The following AMBN variants were observed in gnomAD, a reference collection of about 807,000 sequenced individuals.
AMBN encodes the protein enamel matrix protein.
In AMBN, 54 loss-of-function variants were observed where a neutral mutation model predicts 48.0. The observed-to-expected ratio is 1.12, with a 90% CI of 0.90 to 1.41. The LOEUF (loss-of-function observed/expected upper bound fraction) is 1.41, where lower values mean the gene tolerates loss of function less well. Ranked by LOEUF, AMBN falls within the 40% of genes most tolerant of loss-of-function variation. AMBN has a pLI of 0.00. For synonymous variants in AMBN, 186 were observed against 190.0 expected, an observed-to-expected ratio of 0.98 and a Z score of 0.17; for missense variants, 571 against 547.3, an observed-to-expected ratio of 1.04 and a Z score of -0.43.
chr4:70,598,420 T>C lies in AMBN; in HGVS notation c.183+17T>C. 1 of 1,576,832 alleles carries C rather than the reference T, an allele frequency of 6.3e-7. No homozygotes were observed. The highest frequency in any genetic ancestry group is 8.6e-7 in the Non-Finnish European group (1 of 1,159,246). On this transcript the variant is annotated intron_variant, in intron 4 of 12. Coordinates refer to ENST00000322937, the MANE Select transcript of AMBN (RefSeq NM_016519.6). Reference sequence around the variant, plus strand: ...CTTTCTCAGGTAATCATATTTCTTATTGCAAGTATTCATGGTGGTGGTAGT... The same window carrying C: ...CTTTCTCAGGTAATCATATTTCTTACTGCAAGTATTCATGGTGGTGGTAGT...
At position 70,606,170 on chromosome 4, in the gene AMBN, T is replaced by G; in HGVS notation, c.799-15T>G. On this transcript the variant is annotated splice_polypyrimidine_tract_variant and intron_variant, in intron 12 of 12. Transcript: ENST00000322937. Reference sequence around the variant, plus strand: ...ATGTGATGATGGCATCTTTGACGAATGTTTTTTTTTCCAGGGCGGGAGAGA... The same window carrying G: ...ATGTGATGATGGCATCTTTGACGAAGGTTTTTTTTTCCAGGGCGGGAGAGA... 6.2e-7 allele frequency: 1 copy of G among 1,611,794 alleles called. No individual in the cohort carries two copies. The highest frequency in any genetic ancestry group is 1.7e-4 in the Middle Eastern group (1 of 6,042).
intron 5 of AMBN, among the ~76,000 whole-genome samples, chr4:70,599,854 A>T (rs1400861821): frequency 6.6e-6 from 1 of 152,228 alleles, no homozygotes; most frequent in African/African-American, 2.4e-5. Context: ...TATTTAAAAT[A>T]GGAAGATACA....
rs760389841 is a variant in AMBN at position 70,606,168 on chromosome 4, A to T, written c.799-17A>T. 6.2e-7 allele frequency: 1 copy of T among 1,612,032 alleles called. No individual in the cohort carries two copies. Among genetic ancestry groups the T allele is most frequent in the Non-Finnish European group, 8.5e-7 (1 of 1,178,736 alleles). On this transcript the variant is annotated splice_polypyrimidine_tract_variant and intron_variant, in intron 12 of 12. Transcript: ENST00000322937. ...GCATGTGATGATGGCATCTTTGACG[A>T]ATGTTTTTTTTTCCAGGGCGGGAGA...
intron 2 of AMBN, 113 bp downstream of exon 2, chr4:70,593,508 A>G (rs1386164268): frequency 1.1e-6 from 1 of 908,490 alleles, no homozygotes; most frequent in African/African-American, 1.7e-5. Flanking sequence ...GATTTAATCC[A>G]GTGGTTTAGT....
At position 70,603,423 on chromosome 4, in the gene AMBN, C is replaced by T; in HGVS notation, c.716C>T (p.Pro239Leu). The change falls in exon 11 of 13, where the codon CCA (proline) becomes CTA (leucine). Residue 239 changes from proline (P) to leucine (L), a missense_variant. Coordinates refer to ENST00000322937, the MANE Select transcript of AMBN (RefSeq NM_016519.6). Reference sequence around the variant, plus strand: ...TGATTGTATTTTATTTAGCTTTATCCAGGAATGTTGTACGTGCCTTTTGGA... The same window carrying T: ...TGATTGTATTTTATTTAGCTTTATCTAGGAATGTTGTACGTGCCTTTTGGA... ...MPQNKQSPLY[P>L]GMLYVPFGAN... The T allele has an allele frequency of 6.2e-7, 1 of 1,613,202 alleles. No homozygotes were observed. Among genetic ancestry groups the T allele is most frequent in the South Asian group, 1.1e-5 (1 of 91,008 alleles).
intron 3 of AMBN, 36 bp downstream of exon 3, chr4:70,597,085 A>G: frequency 6.4e-7 from 1 of 1,564,418 alleles, no homozygotes; most frequent in Non-Finnish European, 8.8e-7. Flanking sequence ...TATTAACTTT[A>G]CATTGGTATA....
intron 5 of AMBN, among the ~76,000 whole-genome samples, chr4:70,600,575 G>T (rs753602612): frequency 6.6e-6 from 1 of 152,182 alleles, no homozygotes; most frequent in Non-Finnish European, 1.5e-5. Context: ...TCAGAGAGGG[G>T]TGATGGCTGG....
chr4:70,603,598 G>A (rs1043925190), intron 11 of AMBN, 138 bp downstream of exon 11: 3 of 905,974 alleles, frequency 3.3e-6, no homozygotes, highest in Admixed American at 2.7e-5. Context: ...AAATATTAAG[G>A]AGGCAAACTT....
rs919396887 is a variant in AMBN, at chr4:70,601,579, T to A, written c.456T>A (p.His152Gln). ...TTCAGCCTCCAATTCACCTGGGACA[T>A]CTGCCCTTGCAGGAAGGAGAACTGC... ...EALQPPIHLG[H>Q]LPLQEGELPL... The change falls in exon 6 of 13, where the codon CAT (histidine) becomes CAA (glutamine). Residue 152 changes from histidine (H) to glutamine (Q), a missense_variant. His to Gln is a conservative substitution (Grantham distance 24, BLOSUM62 0). Coordinates refer to ENST00000322937, the MANE Select transcript of AMBN (RefSeq NM_016519.6). The A allele has an allele frequency of 1.2e-6, 2 of 1,614,032 alleles. No homozygotes were observed. The highest frequency in any genetic ancestry group is 1.7e-6 in the Non-Finnish European group (2 of 1,180,004).
At chr4:70,598,753 T>G (rs1737447056) in intron 4 of AMBN, among the ~76,000 whole-genome samples, 2 of 152,128 alleles carry the variant, frequency 1.3e-5, no homozygotes, top group South Asian at 4.2e-4. Flanking sequence ...CCTACCCATT[T>G]GATTTACTTA....
At chr4:70,600,948 T>C (rs754166897) in intron 5 of AMBN, among the ~76,000 whole-genome samples, 23 of 152,108 alleles carry the variant, frequency 1.5e-4, no homozygotes, top group Non-Finnish European at 3.2e-4. Flanking sequence ...TTTCATTAAC[T>C]CGAAAAATAT....
At position 70,606,764 on chromosome 4, in the gene AMBN, C is replaced by T. The variant is rs756062120; in HGVS notation, c.*34C>T. 1.3e-6 allele frequency: 2 copies of T among 1,572,854 alleles called. No homozygotes were observed. On this transcript the variant is annotated 3_prime_UTR_variant, in exon 13 of 13. Transcript: ENST00000322937. ...AGATATTAGCTACTTTCTGTATGCA[C>T]AAGCTTCCCAGCTTTGTCCCCACAG... is the stretch of plus-strand genomic sequence containing the variant.
chr4:70,598,379 G>C lies in AMBN; in HGVS notation c.159G>C (p.Leu53=). Residue 53 remains leucine (L), a synonymous_variant, in exon 4 of 13, where the codon CTG becomes CTC. Transcript: ENST00000322937. ...AGACAATGAGACAGTTGGGAAGTCT[G>C]CAGAGATTAAACACACTTTCTCAGG... ...SLETMRQLGS[L]QRLNTLSQYS... is the part of the protein sequence containing the mutation. 6.3e-7 allele frequency: 1 copy of C among 1,587,500 alleles called. No homozygotes were observed. The highest frequency in any genetic ancestry group is 8.6e-7 in the Non-Finnish European group (1 of 1,166,618).
At position 70,606,667 on chromosome 4, in the gene AMBN, GCCAGGAAACAAAGC is replaced by G; in HGVS notation, c.1288_1301del (p.Asn430AlafsTer6). On this transcript the variant is annotated frameshift_variant, in exon 13 of 13. Coordinates refer to ENST00000322937, the MANE Select transcript of AMBN (RefSeq NM_016519.6). LOFTEE classifies it high-confidence loss of function. Reference sequence around the variant, plus strand: ...CCCCAAACTCTCTGCAAACATCCATGCCAGGAAACAAAGCCCAGGAGCCCGAGATGATGCATGAC... The same window carrying G: ...CCCCAAACTCTCTGCAAACATCCATGCCAGGAGCCCGAGATGATGCATGAC... 6.2e-7 allele frequency: 1 copy of G among 1,614,030 alleles called. No individual in the cohort carries two copies. Among genetic ancestry groups the G allele is most frequent in the Non-Finnish European group, 8.5e-7 (1 of 1,179,970 alleles).
intron 2 of AMBN, among the ~76,000 whole-genome samples, chr4:70,594,831 A>C (rs1054339985): frequency 6.6e-6 from 1 of 152,240 alleles, no homozygotes; most frequent in Non-Finnish European, 1.5e-5. Flanking sequence ...TCTGAGGAAC[A>C]GAACAATTGC....
chr4:70,599,776 TAAATC>T, intron 5 of AMBN, 130 bp downstream of exon 5: 1 of 567,970 alleles, frequency 1.8e-6, no homozygotes, highest in Non-Finnish European at 3.0e-6. Flanking sequence ...TCGTGCCAAA[TAAATC>T]GAAGCCTATA....
At chr4:70,605,258 T>C (rs767961230) in intron 12 of AMBN, among the ~76,000 whole-genome samples, 2 of 152,094 alleles carry the variant, frequency 1.3e-5, no homozygotes, top group Non-Finnish European at 2.9e-5. Flanking sequence ...ATAGCACCAA[T>C]ACAAGTGGCT....
At position 70,601,622 on chromosome 4, in the gene AMBN, G is replaced by A; in HGVS notation, c.499G>A (p.Val167Met). ...AGAACTGCCTCTGGTTCAGCAGCAG[G>A]TGGCACCATCAGATAAGCCACCAAA... ...EGELPLVQQQ[V>M]APSDKPPKPE... is the part of the protein sequence containing the mutation. The change falls in exon 6 of 13, where the codon GTG becomes ATG. Residue 167 changes from valine (V) to methionine (M), a missense_variant. Coordinates refer to ENST00000322937, the MANE Select transcript of AMBN (RefSeq NM_016519.6). 3 of 1,614,124 alleles carry A rather than the reference G, an allele frequency of 1.9e-6. No homozygotes were observed. The highest frequency in any genetic ancestry group is 1.3e-5 in the African/African-American group (1 of 75,050).
Position 70,602,634 on chromosome 4 carries a change from T to C in AMBN, c.542T>C (p.Val181Ala), listed in dbSNP as rs189846864. The C allele has an allele frequency of 1.7e-4, 271 of 1,575,876 alleles. 2 individuals are homozygous for C. In the Admixed American group the frequency reaches 4.6e-3, roughly 27 times the overall value. Residue 181 changes from valine (V) to alanine (A), a missense_variant, in exon 7 of 13, where the codon GTA becomes GCA. Physicochemically the swap from Val to Ala is moderately conservative, Grantham distance 64. Transcript: ENST00000322937. Reference sequence around the variant, plus strand: ...TTATCTGTGATATAGCTCCCAGGAGTAGATTTTGCTGATCCACAAGGTCCA... The same window carrying C: ...TTATCTGTGATATAGCTCCCAGGAGCAGATTTTGCTGATCCACAAGGTCCA... The part of the protein sequence containing the change: ...DKPPKPELPG[V>A]DFADPQGPSL...
Sources: gnomAD v4.1 joint callset for allele counts (sites outside exome capture counted in the v4.1 genomes callset) on GRCh38, gnomAD v4.1.1 for gene constraint, MANE v1.5 for transcripts, NCBI Gene and HGNC (gene_info 2026-07-23, HGNC 2026-07-21) for gene names.